Variants in DROSHA observed in about 807,000 individuals in gnomAD.
The protein encoded by DROSHA is ribonuclease 3.
In DROSHA, 56 loss-of-function variants were observed where a neutral mutation model predicts 181.9. The ratio of observed to expected loss-of-function variants is 0.31; its 90% CI spans 0.25 to 0.38. The LOEUF (loss-of-function observed/expected upper bound fraction) is 0.38. Ranked by LOEUF, DROSHA falls within the 10% of genes least tolerant of loss-of-function variation. The probability of loss-of-function intolerance (pLI) is 1.00; values close to 1 mark genes in which losing one functional copy is unlikely to be tolerated. For missense variants in DROSHA, 1,218 were observed against 1,743.5 expected, an observed-to-expected ratio of 0.70 and a Z score of 5.37; for synonymous variants, 524 against 591.2, an observed-to-expected ratio of 0.89 and a Z score of 1.65.
At chr5:31,506,983 T>C (rs191705823) in intron 10 of DROSHA, among the ~76,000 whole-genome samples, 1 of 152,182 alleles carries the variant, frequency 6.6e-6, no homozygotes, top group Admixed American at 6.5e-5. Flanking sequence ...GAAATCAGTG[T>C]AGAGGCTTCT....
At chr5:31,480,776 T>C (rs1750946936) in intron 16 of DROSHA, among the ~76,000 whole-genome samples, 1 of 152,200 alleles carries the variant, frequency 6.6e-6, no homozygotes, top group Non-Finnish European at 1.5e-5. Flanking sequence ...ATGTTAGCAC[T>C]AGTGATACAA....
At chr5:31,419,649 G>A (rs371637961) in intron 30 of DROSHA, among the ~76,000 whole-genome samples, 15 of 152,162 alleles carry the variant, frequency 9.9e-5, no homozygotes, top group South Asian at 2.1e-4. Context: ...AGATCCTAGC[G>A]TTCACAATTA....
chr5:31,508,524 A>C (rs543157524), intron 10 of DROSHA, 97 bp downstream of exon 10: 31 of 1,543,020 alleles, frequency 2.0e-5, no homozygotes. Context: ...AGTAAAATTC[A>C]GTTTCAATAC....
At chr5:31,522,846 T>G (rs1404926546) in intron 5 of DROSHA, among the ~76,000 whole-genome samples, 1 of 152,216 alleles carries the variant, frequency 6.6e-6, no homozygotes, top group East Asian at 1.9e-4. Context: ...TCTTTCCTTA[T>G]CCCTGGAGTA....
intron 23 of DROSHA, among the ~76,000 whole-genome samples, chr5:31,439,908 C>T (rs1745368669): frequency 6.6e-6 from 1 of 152,162 alleles, no homozygotes; most frequent in African/African-American, 2.4e-5. Flanking sequence ...CAGGCTTGGG[C>T]ATGAGCAGAA....
rs544488104 is a variant in DROSHA, at chr5:31,477,855, T to A, written c.2072-5623A>T. On this transcript the variant is annotated intron_variant, in intron 16 of 35. Coordinates refer to ENST00000344624, the MANE Select transcript of DROSHA (RefSeq NM_001382508.1). ...AAAGAAACAAAAATTTGAGAAAAAATTTTAAATCTCAATAAACTGATTGCT... is the reference window on the plus strand; with the variant it reads ...AAAGAAACAAAAATTTGAGAAAAAAATTTAAATCTCAATAAACTGATTGCT... Among the ~76,000 whole-genome samples, 6 of 152,240 alleles carry A rather than the reference T, an allele frequency of 3.9e-5. No homozygotes were observed. In the South Asian group the frequency reaches 1.0e-3, roughly 26 times the overall value.
intron 13 of DROSHA, among the ~76,000 whole-genome samples, chr5:31,490,653 A>C (rs1229229040): frequency 6.6e-6 from 1 of 152,228 alleles, no homozygotes; most frequent in Non-Finnish European, 1.5e-5. Flanking sequence ...GATTTGGTGG[A>C]GATTCTGTCA....
intron 23 of DROSHA, among the ~76,000 whole-genome samples, chr5:31,446,153 A>G (rs1477380690): frequency 6.6e-6 from 1 of 152,220 alleles, no homozygotes; most frequent in Non-Finnish European, 1.5e-5. Flanking sequence ...TGAAATTCAG[A>G]AAATAATTCC....
At chr5:31,485,644 A>AAAC (rs1561236137) in intron 14 of DROSHA, among the ~76,000 whole-genome samples, 2 of 148,492 alleles carry the variant, frequency 1.3e-5, no homozygotes, top group Non-Finnish European at 1.5e-5. Flanking sequence ...TTAAAAAAAA[A>AAAC]AAAAAACCCT....
chr5:31,451,908 T>C (rs1747084059), intron 20 of DROSHA, among the ~76,000 whole-genome samples: 1 of 152,146 alleles, frequency 6.6e-6, no homozygotes, highest in Admixed American at 6.5e-5. Context: ...TTATCTTACC[T>C]CTCTGCCTCA....
chr5:31,515,381 G>C, intron 7 of DROSHA, 73 bp downstream of exon 7: 1 of 1,024,526 alleles, frequency 9.8e-7, no homozygotes, highest in South Asian at 1.6e-5. Context: ...TACCAGTCTG[G>C]TGGCATCAGA....
At chr5:31,487,253 T>C (rs1297898638) in intron 13 of DROSHA, among the ~76,000 whole-genome samples, 5 of 152,150 alleles carry the variant, frequency 3.3e-5, no homozygotes, top group Admixed American at 3.3e-4. Flanking sequence ...GGTAGCTTGG[T>C]GAACTGCGAA....
intron 21 of DROSHA, 28 bp downstream of exon 21, chr5:31,451,505 T>C: frequency 6.4e-7 from 1 of 1,561,474 alleles, no homozygotes; most frequent in Non-Finnish European, 8.8e-7. Context: ...CTTGTTATTA[T>C]GTGAGTTTAC....
At chr5:31,404,174 C>T (rs1195813438) in intron 35 of DROSHA, among the ~76,000 whole-genome samples, 1 of 151,836 alleles carries the variant, frequency 6.6e-6, no homozygotes, top group African/African-American at 2.4e-5. Context: ...TGCCAAATTG[C>T]TTTCCAGTAG....
chr5:31,517,990 C>T (rs371425621), intron 6 of DROSHA, among the ~76,000 whole-genome samples: 1 of 152,120 alleles, frequency 6.6e-6, no homozygotes, highest in East Asian at 1.9e-4. Context: ...ATGTCACTAA[C>T]AACAACAGAG....
chr5:31,408,509 A>G (rs1266721878), intron 33 of DROSHA, among the ~76,000 whole-genome samples: 1 of 152,158 alleles, frequency 6.6e-6, no homozygotes. Flanking sequence ...ACTCACCTAC[A>G]TTCCTTTTTA....
In DROSHA at chr5:31,448,467, A is replaced by G. The variant is rs77159988; in HGVS notation, c.2882+80T>C. 4.8e-3 allele frequency: 6,358 copies of G among 1,311,030 alleles called. 239 individuals are homozygous for G. In the East Asian group the frequency reaches 0.086, roughly 18 times the overall value. 81.2% of individuals were successfully genotyped at this position (1,311,030 alleles called of 1,614,324 possible). A position where few individuals can be genotyped will look rare whatever the true frequency, so the allele number is the denominator to read the frequency against. ...TTTGTGAACATACTAAAAACCACTGAATTGTATGCTTTAAATGAGTAAACT... is the reference window on the plus strand; with the variant it reads ...TTTGTGAACATACTAAAAACCACTGGATTGTATGCTTTAAATGAGTAAACT... On this transcript the variant is annotated intron_variant, in intron 23 of 35. Coordinates refer to ENST00000344624, the MANE Select transcript of DROSHA (RefSeq NM_001382508.1).
intron 13 of DROSHA, among the ~76,000 whole-genome samples, chr5:31,490,784 T>C (rs534831610): frequency 5.9e-5 from 9 of 152,330 alleles, no homozygotes; most frequent in Admixed American, 4.6e-4. Flanking sequence ...CAAGAGGCCT[T>C]TGATGGATCT....
chr5:31,499,164 G>A (rs1393696462), intron 11 of DROSHA, among the ~76,000 whole-genome samples: 2 of 152,166 alleles, frequency 1.3e-5, no homozygotes, highest in African/African-American at 2.4e-5. Flanking sequence ...CAACTCAAAC[G>A]GGCAATATGC....
Sources: allele counts gnomAD v4.1 joint callset (sites outside exome capture counted in the v4.1 genomes callset), GRCh38; gene constraint gnomAD v4.1.1; transcripts MANE v1.5; gene names NCBI Gene and HGNC (gene_info 2026-07-23, HGNC 2026-07-21).